DPP10: variants seen among roughly 807,000 people sequenced by gnomAD.
DPP10 encodes the protein dipeptidyl peptidase like 10, also known as inactive dipeptidyl peptidase 10.
Under a neutral mutation model 120.9 loss-of-function variants are expected in DPP10, and 33 were observed. The observed-to-expected ratio is 0.27, with a 90% confidence interval of 0.21 to 0.37. The LOEUF (loss-of-function observed/expected upper bound fraction) is 0.37. Among genes scored for constraint, DPP10 ranks in the 10% least tolerant of loss-of-function variants. The pLI is 1.00. For synonymous variants in DPP10, 337 were observed against 326.1 expected, an observed-to-expected ratio of 1.03 and a Z score of -0.36; for missense variants, 816 against 942.8, an observed-to-expected ratio of 0.87 and a Z score of 1.76.
At chr2:115,293,629 CTG>C (rs1342687845) in intron 1 of DPP10, among the ~76,000 whole-genome samples, 1 of 151,968 alleles carries the variant, frequency 6.6e-6, no homozygotes, top group African/African-American at 2.4e-5. Context: ...TGTTCAGAAA[CTG>C]TGTGATTTAG....
At chr2:115,379,266 C>G (rs1300070133) in intron 3 of DPP10, among the ~76,000 whole-genome samples, 1 of 152,152 alleles carries the variant, frequency 6.6e-6, no homozygotes, top group East Asian at 1.9e-4. Context: ...CAGCTTCTTC[C>G]TGGTTTAGTC....
At chr2:114,829,124 T>C (rs1686836334) in intron 1 of DPP10, among the ~76,000 whole-genome samples, 1 of 151,724 alleles carries the variant, frequency 6.6e-6, no homozygotes. Flanking sequence ...CCATCTCTAC[T>C]AAAAAACTAC....
chr2:115,337,661 T>TAAAAAAAAAA (rs11458121), intron 2 of DPP10, among the ~76,000 whole-genome samples: 1 of 71,684 alleles, frequency 1.4e-5, no homozygotes, highest in Non-Finnish European at 2.5e-5. Flanking sequence ...AGGCTGCTCA[T>TAAAAAAAAAA]AAAAAAAAAA....
At chr2:114,714,888 A>G (rs1701255354) in intron 1 of DPP10, among the ~76,000 whole-genome samples, 1 of 152,220 alleles carries the variant, frequency 6.6e-6, no homozygotes, top group African/African-American at 2.4e-5. Context: ...AAAGAAAGAA[A>G]CAAAAGAACA....
intron 1 of DPP10, among the ~76,000 whole-genome samples, chr2:114,886,980 G>C (rs942529891): frequency 6.6e-6 from 1 of 152,114 alleles, no homozygotes; most frequent in Non-Finnish European, 1.5e-5. Flanking sequence ...CTCTCCATTA[G>C]TGTGAATTAT....
At chr2:115,011,066 A>C (rs879723380) in intron 1 of DPP10, among the ~76,000 whole-genome samples, 17 of 152,190 alleles carry the variant, frequency 1.1e-4, no homozygotes, top group Non-Finnish European at 1.3e-4. Context: ...TATCTTATTT[A>C]GTTTCAAATA....
At chr2:115,304,856 A>G (rs2061295747) in intron 1 of DPP10, among the ~76,000 whole-genome samples, 1 of 152,062 alleles carries the variant, frequency 6.6e-6, no homozygotes, top group South Asian at 2.1e-4. Context: ...TAAAAAATGA[A>G]TTTGGACTTA....
At chr2:115,677,352 G>T (rs2090344338) in intron 5 of DPP10, among the ~76,000 whole-genome samples, 1 of 152,016 alleles carries the variant, frequency 6.6e-6, no homozygotes. Context: ...AATAAGAGAG[G>T]AAGAAAGAAA....
chr2:114,863,649 A>C (rs1690001282), intron 1 of DPP10, among the ~76,000 whole-genome samples: 1 of 152,236 alleles, frequency 6.6e-6, no homozygotes, highest in Non-Finnish European at 1.5e-5. Context: ...GGACTTCTTC[A>C]TGTGTGATTT....
At chr2:115,513,976 G>T (rs2077368702) in intron 4 of DPP10, among the ~76,000 whole-genome samples, 1 of 151,906 alleles carries the variant, frequency 6.6e-6, no homozygotes, top group Admixed American at 6.6e-5. Context: ...CTCAGGTTTT[G>T]TTTATTTAGA....
intron 1 of DPP10, among the ~76,000 whole-genome samples, chr2:114,958,247 T>C (rs1698354420): frequency 6.6e-6 from 1 of 152,216 alleles, no homozygotes; most frequent in African/African-American, 2.4e-5. Context: ...TATGAGTGGT[T>C]GAAGTATGGC....
intron 3 of DPP10, among the ~76,000 whole-genome samples, chr2:115,413,143 G>A (rs539185668): frequency 2.6e-5 from 4 of 152,022 alleles, no homozygotes; most frequent in Non-Finnish European, 4.4e-5. Flanking sequence ...ACAGCTAATC[G>A]GACTGGAGAA....
intron 19 of DPP10, among the ~76,000 whole-genome samples, chr2:115,809,459 T>C (rs755569472): frequency 6.6e-6 from 1 of 152,206 alleles, no homozygotes; most frequent in Non-Finnish European, 1.5e-5. Flanking sequence ...AATGGAAGCA[T>C]AGATAGTTGA....
At chr2:115,837,039 A>G (rs1689612557) in intron 24 of DPP10, among the ~76,000 whole-genome samples, 1 of 152,236 alleles carries the variant, frequency 6.6e-6, no homozygotes, top group Non-Finnish European at 1.5e-5. Flanking sequence ...TACCTTGTTT[A>G]GTGTGACTGA....
intron 1 of DPP10, among the ~76,000 whole-genome samples, chr2:115,178,433 T>A (rs1171712582): frequency 6.6e-6 from 1 of 152,186 alleles, no homozygotes; most frequent in Non-Finnish European, 1.5e-5. Flanking sequence ...CAAACTAACT[T>A]GCACACAGTG....
chr2:114,926,763 A>C (rs866359922), intron 1 of DPP10, among the ~76,000 whole-genome samples: 1 of 152,056 alleles, frequency 6.6e-6, no homozygotes, highest in South Asian at 2.1e-4. Context: ...CTAAAAGGCA[A>C]CTGCCTCTAG....
At chr2:115,185,279 A>T (rs1233992424) in intron 1 of DPP10, among the ~76,000 whole-genome samples, 1 of 151,582 alleles carries the variant, frequency 6.6e-6, no homozygotes, top group Non-Finnish European at 1.5e-5. Flanking sequence ...CTATACGCAT[A>T]CAATATATTA....
rs76234753 is a variant in DPP10 at position 114,656,602 on chromosome 2, G to C, written c.60+213764G>C. Among the ~76,000 whole-genome samples the C allele has an allele frequency of 1.4e-3, 218 of 152,210 alleles. 2 individuals carry two copies. In the East Asian group the frequency reaches 0.022, roughly 15 times the overall value. On this transcript the variant is annotated intron_variant, in intron 1 of 25. Coordinates refer to ENST00000410059, the MANE Select transcript of DPP10 (RefSeq NM_020868.6). ...TTTCCTTACTTGTGCAATATTTATT[G>C]AGCAATTTTATGCACAGTGTTGTGT... is the stretch of plus-strand genomic sequence containing the variant.
chr2:115,384,502 G>A (rs1213270246), intron 3 of DPP10, among the ~76,000 whole-genome samples: 8 of 145,854 alleles, frequency 5.5e-5, no homozygotes, highest in Non-Finnish European at 8.9e-5. Context: ...AAGAGGAAAA[G>A]AAGAAGAAGA....
Sources: gnomAD v4.1 joint callset for allele counts (sites outside exome capture counted in the v4.1 genomes callset) on GRCh38, gnomAD v4.1.1 for gene constraint, MANE v1.5 for transcripts, NCBI Gene and HGNC (gene_info 2026-07-23, HGNC 2026-07-21) for gene names.